Variants in HTR2A observed in about 807,000 individuals in gnomAD.
The protein encoded by HTR2A is 5-HT2 receptor.
HTR2A carries 14 observed loss-of-function variants against 31.0 expected under a neutral mutation model. The observed-to-expected ratio is 0.45, with a 90% CI of 0.30 to 0.71. The LOEUF is 0.71. HTR2A is among the 30% of genes least tolerant of loss of function. HTR2A has a pLI of 0.09. For missense variants in HTR2A, 442 were observed against 573.3 expected, an observed-to-expected ratio of 0.77 and a Z score of 2.34; for synonymous variants, 209 against 225.2, an observed-to-expected ratio of 0.93 and a Z score of 0.64.
chr13:46,869,874 A>G (rs1950851592), intron 3 of HTR2A, among the ~76,000 whole-genome samples: 1 of 152,142 alleles, frequency 6.6e-6, no homozygotes, highest in South Asian at 2.1e-4. Context: ...GAGACAGCAG[A>G]TTAGAGGTTA....
rs201890406 is a variant in HTR2A at position 46,834,815 on chromosome 13, A to G, written c.*22T>C. 4.7e-5 allele frequency: 74 copies of G among 1,574,108 alleles called. No homozygotes were observed. In the East Asian group the frequency reaches 1.5e-3, roughly 33 times the overall value. On this transcript the variant is annotated 3_prime_UTR_variant, in exon 4 of 4. Coordinates refer to ENST00000542664, the MANE Select transcript of HTR2A (RefSeq NM_000621.5). ...AAAACTTGCTCAGTGTGCCTTCCACAGTTGCCACGGCAACTAGCCTATCAC... is the reference window on the plus strand; with the variant it reads ...AAAACTTGCTCAGTGTGCCTTCCACGGTTGCCACGGCAACTAGCCTATCAC...
chr13:46,852,450 T>G (rs1950693969), intron 3 of HTR2A, among the ~76,000 whole-genome samples: 1 of 152,224 alleles, frequency 6.6e-6, no homozygotes, highest in Non-Finnish European at 1.5e-5. Context: ...CTCTTCCCAC[T>G]GCGGTAACAG....
intron 3 of HTR2A, among the ~76,000 whole-genome samples, chr13:46,891,948 C>A (rs566256696): frequency 2.0e-4 from 31 of 152,294 alleles, no homozygotes; most frequent in African/African-American, 7.5e-4. Flanking sequence ...TCTGGCCCAC[C>A]TTTTCCCTCC....
At chr13:46,871,414 T>C (rs1045050190) in intron 3 of HTR2A, among the ~76,000 whole-genome samples, 9 of 152,226 alleles carry the variant, frequency 5.9e-5, no homozygotes, top group Admixed American at 5.2e-4. Flanking sequence ...AGTTCTCTTT[T>C]GGTCTAATTT....
chr13:46,842,862 CAGTAGTCCTCCCTTA>C (rs1226550370), intron 3 of HTR2A, among the ~76,000 whole-genome samples: 1 of 152,202 alleles, frequency 6.6e-6, no homozygotes, highest in Admixed American at 6.5e-5. Context: ...GCTTGGTATA[CAGTAGTCCTCCCTTA>C]AGCTTGCTTT....
intron 3 of HTR2A, among the ~76,000 whole-genome samples, chr13:46,888,664 T>C (rs1392316780): frequency 6.6e-6 from 1 of 152,156 alleles, no homozygotes; most frequent in East Asian, 1.9e-4. Flanking sequence ...CAACAGGGGT[T>C]AATATGTGAG....
intron 3 of HTR2A, among the ~76,000 whole-genome samples, chr13:46,865,123 G>C (rs1315745154): frequency 6.6e-6 from 1 of 152,024 alleles, no homozygotes; most frequent in African/African-American, 2.4e-5. Context: ...CCTTCCTCCG[G>C]ATCTTGGTGA....
chr13:46,876,572 A>G (rs866172370), intron 3 of HTR2A, among the ~76,000 whole-genome samples: 33 of 150,612 alleles, frequency 2.2e-4, no homozygotes, highest in African/African-American at 7.1e-4. Context: ...ACCACGCCCT[A>G]CTAATTTTCT....
Position 46,892,572 on chromosome 13 carries a change from G to T in HTR2A, c.431C>A (p.Pro144Gln). 1.2e-6 allele frequency: 2 copies of T among 1,614,166 alleles called. No individual in the cohort carries two copies. Among genetic ancestry groups the T allele is most frequent in the Non-Finnish European group, 1.7e-6 (2 of 1,180,020 alleles). ...AATCCAGACTGCACAAAGCTTGCTC[G>T]GCAGAGGCCACCGGTACCCTATGAG... ...TILYGYRWPL[P>Q]SKLCAVWIYL... Residue 144 changes from proline (P) to glutamine (Q), a missense_variant, in exon 3 of 4, where the codon CCG (proline) becomes CAG (glutamine). Physicochemically the swap from Pro to Gln is moderately conservative, Grantham distance 76. This residue lies in a region of HTR2A where 86 missense variants were observed against 179.1 expected (regional missense o/e 0.48). Coordinates refer to ENST00000542664, the MANE Select transcript of HTR2A (RefSeq NM_000621.5).
At chr13:46,853,374 G>T (rs1010876596) in intron 3 of HTR2A, among the ~76,000 whole-genome samples, 7 of 151,996 alleles carry the variant, frequency 4.6e-5, no homozygotes, top group Non-Finnish European at 8.8e-5. Flanking sequence ...CTAACCCTTG[G>T]GCTGGGAGGA....
Position 46,835,266 on chromosome 13 carries a change from G to T in HTR2A, c.987C>A (p.Phe329Leu). 2 of 1,614,154 alleles carry T rather than the reference G, an allele frequency of 1.2e-6. No homozygotes were observed. Among genetic ancestry groups the T allele is most frequent in the Non-Finnish European group, 1.7e-6 (2 of 1,180,018 alleles). Residue 329 changes from phenylalanine to leucine, a missense_variant, in exon 4 of 4, where the codon TTC (phenylalanine) becomes TTA (leucine). Phe to Leu is a conservative substitution (Grantham distance 22). Coordinates refer to ENST00000542664, the MANE Select transcript of HTR2A (RefSeq NM_000621.5). ...QKACKVLGIV[F>L]FLFVVMWCPF... ...GGCACCACATCACCACAAACAGGAAGAAGACGATGCCCAGCACCTTGCATG... is the reference window on the plus strand; with the variant it reads ...GGCACCACATCACCACAAACAGGAATAAGACGATGCCCAGCACCTTGCATG...
intron 3 of HTR2A, among the ~76,000 whole-genome samples, chr13:46,869,964 A>G (rs543994921): frequency 6.6e-6 from 1 of 152,240 alleles, no homozygotes; most frequent in Admixed American, 6.5e-5. Context: ...AAAAATTTGG[A>G]AATAGATAGT....
chr13:46,879,830 G>A (rs970362449), intron 3 of HTR2A, among the ~76,000 whole-genome samples: 1 of 152,048 alleles, frequency 6.6e-6, no homozygotes, highest in Non-Finnish European at 1.5e-5. Flanking sequence ...CACATTGAAA[G>A]CCCATCTTTA....
At chr13:46,852,963 C>G (rs1950699455) in intron 3 of HTR2A, among the ~76,000 whole-genome samples, 1 of 137,342 alleles carries the variant, frequency 7.3e-6, no homozygotes, top group African/African-American at 2.5e-5. Context: ...TATAATAGTT[C>G]TAGGGCTTTT....
intron 3 of HTR2A, among the ~76,000 whole-genome samples, chr13:46,880,593 C>A (rs1021047512): frequency 3.9e-5 from 6 of 152,154 alleles, no homozygotes; most frequent in African/African-American, 1.4e-4. Flanking sequence ...AATCCCTGCA[C>A]TTTGGGAGGC....
chr13:46,849,105 A>AC (rs1310351696), intron 3 of HTR2A, among the ~76,000 whole-genome samples: 1 of 151,924 alleles, frequency 6.6e-6, no homozygotes, highest in Non-Finnish European at 1.5e-5. Flanking sequence ...GCACTCGCTC[A>AC]CCCCCCACCT....
intron 3 of HTR2A, among the ~76,000 whole-genome samples, chr13:46,887,410 G>A (rs1170567697): frequency 1.5e-4 from 16 of 107,872 alleles, no homozygotes; most frequent in African/African-American, 5.3e-4. Context: ...GCGACAGAGT[G>A]AGACTCTGTC....
intron 3 of HTR2A, among the ~76,000 whole-genome samples, chr13:46,872,222 C>G (rs1409414216): frequency 6.6e-6 from 1 of 152,152 alleles, no homozygotes; most frequent in Non-Finnish European, 1.5e-5. Flanking sequence ...CCAGTTCTAG[C>G]ACTTATTAAG....
chr13:46,876,146 T>C (rs920899728), intron 3 of HTR2A, among the ~76,000 whole-genome samples: 3 of 152,080 alleles, frequency 2.0e-5, no homozygotes, highest in Non-Finnish European at 2.9e-5. Flanking sequence ...ATAACATCTT[T>C]CTTCCATATT....
Sources: gnomAD v4.1 joint callset for allele counts (sites outside exome capture counted in the v4.1 genomes callset) on GRCh38, gnomAD v4.1.1 for gene constraint, gnomAD v4.1.1 regional missense constraint, MANE v1.5 for transcripts, NCBI Gene and HGNC (gene_info 2026-07-23, HGNC 2026-07-21) for gene names.